The following DDX10 variants were observed in gnomAD, a reference collection of about 807,000 sequenced individuals.
The protein encoded by DDX10 is probable ATP-dependent RNA helicase DDX10.
In DDX10, 74 loss-of-function variants were observed where a neutral mutation model predicts 104.3. The ratio of observed to expected loss-of-function variants is 0.71; its 90% CI spans 0.59 to 0.86. DDX10 has a LOEUF of 0.86. Among genes scored for constraint, DDX10 ranks in the 40% least tolerant of loss-of-function variants. The pLI is 0.00. For missense variants in DDX10, 952 were observed against 1,040.0 expected (o/e 0.92, Z 1.16); for synonymous variants, 351 against 353.4 (o/e 0.99, Z 0.08).
intron 13 of DDX10, among the ~76,000 whole-genome samples, chr11:108,764,479 C>A (rs2094354166): frequency 6.6e-6 from 1 of 152,058 alleles, no homozygotes; most frequent in African/African-American, 2.4e-5. Context: ...ACCAGCCTGG[C>A]CAACATGGTG....
intron 13 of DDX10, among the ~76,000 whole-genome samples, chr11:108,757,673 G>A (rs1052484803): frequency 6.6e-6 from 1 of 152,042 alleles, no homozygotes. Context: ...AGAACCACTT[G>A]TTGGTTGTCC....
At chr11:108,937,412 G>GAT (rs1167685802) in intron 17 of DDX10, among the ~76,000 whole-genome samples, 3 of 151,862 alleles carry the variant, frequency 2.0e-5, no homozygotes, top group Non-Finnish European at 4.4e-5. Flanking sequence ...TGATGTTTGG[G>GAT]GTTTCAGAAA....
rs200617644 is a variant in DDX10 at position 108,733,152 on chromosome 11, T to A, written c.1965+9690T>A. On this transcript the variant is annotated intron_variant, in intron 13 of 17. Coordinates refer to ENST00000322536, the MANE Select transcript of DDX10 (RefSeq NM_004398.4). ...GTAGCTTTTTCTTTTTTTAGTACTG[T>A]AAGAACTCACTGTTGGTGTTAAAAC... Among the ~76,000 whole-genome samples, 148 of 151,952 alleles carry A rather than the reference T, an allele frequency of 9.7e-4. 2 individuals carry two copies. The East Asian group carries it at 0.024, about 24-fold the overall frequency.
At chr11:108,813,713 G>A (rs371780250) in intron 13 of DDX10, among the ~76,000 whole-genome samples, 3 of 152,068 alleles carry the variant, frequency 2.0e-5, no homozygotes, top group Non-Finnish European at 4.4e-5. Flanking sequence ...AATATTTTGC[G>A]TCTAAGCTTT....
intron 1 of DDX10, 151 bp from the exon 2 acceptor site, chr11:108,673,316 C>A (rs770124183): frequency 3.3e-6 from 2 of 615,100 alleles, no homozygotes; most frequent in East Asian, 3.0e-5. Context: ...GGGCATATTT[C>A]GTTACAGAAG....
intron 13 of DDX10, among the ~76,000 whole-genome samples, chr11:108,725,393 GTTGTT>G (rs2094304146): frequency 6.6e-6 from 1 of 152,068 alleles, no homozygotes. Context: ...AAACTCCCCA[GTTGTT>G]TTCCAAATCA....
intron 13 of DDX10, among the ~76,000 whole-genome samples, chr11:108,771,592 G>A (rs746890805): frequency 4.3e-4 from 65 of 152,152 alleles, no homozygotes; most frequent in Admixed American, 3.1e-3. Context: ...TGATCCGTCC[G>A]CCTCAGTCTC....
At chr11:108,788,049 G>C (rs1861819458) in intron 13 of DDX10, among the ~76,000 whole-genome samples, 2 of 152,212 alleles carry the variant, frequency 1.3e-5, no homozygotes, top group South Asian at 4.1e-4. Flanking sequence ...TTGTTTTACT[G>C]TATTCCTTGG....
chr11:108,700,828 G>GCGGTTTCTT (rs2094266800), intron 9 of DDX10, among the ~76,000 whole-genome samples: 1 of 150,908 alleles, frequency 6.6e-6, no homozygotes, highest in Non-Finnish European at 1.5e-5. Context: ...ACTTTGATTT[G>GCGGTTTCTT]CGGTTTCTTT....
At chr11:108,865,115 C>G (rs2134618128) in intron 16 of DDX10, among the ~76,000 whole-genome samples, 1 of 152,250 alleles carries the variant, frequency 6.6e-6, no homozygotes, top group African/African-American at 2.4e-5. Context: ...GTTGTGTGTT[C>G]AGCTCAGTGT....
intron 9 of DDX10, among the ~76,000 whole-genome samples, chr11:108,698,156 C>G (rs1384370557): frequency 6.6e-6 from 1 of 152,202 alleles, no homozygotes; most frequent in African/African-American, 2.4e-5. Context: ...TCTGTAATAA[C>G]TTCTGAAGAG....
intron 15 of DDX10, among the ~76,000 whole-genome samples, chr11:108,843,937 CGTT>C (rs964713613): frequency 2.0e-5 from 3 of 152,084 alleles, no homozygotes; most frequent in African/African-American, 4.8e-5. Context: ...AAAGGTGTAT[CGTT>C]GTGCACTTTT....
chr11:108,879,166 T>C (rs1372687353), intron 16 of DDX10, among the ~76,000 whole-genome samples: 3 of 152,094 alleles, frequency 2.0e-5, no homozygotes. Flanking sequence ...CACACCCGGC[T>C]AATTTTTTGT....
chr11:108,858,264 A>G lies in DDX10; in HGVS notation c.2304+6055A>G, dbSNP rs191875728. Among the ~76,000 whole-genome samples the G allele has an allele frequency of 3.3e-4, 50 of 152,042 alleles. No homozygotes were observed. In the East Asian group the frequency reaches 8.3e-3, roughly 25 times the overall value. ...TCATGACGTTCTTCCTTTCTGGACCACCGGACTTCGTGTACATTATTCTGC... is the reference window on the plus strand; with the variant it reads ...TCATGACGTTCTTCCTTTCTGGACCGCCGGACTTCGTGTACATTATTCTGC... On this transcript the variant is annotated intron_variant, in intron 16 of 17. Transcript: ENST00000322536.
chr11:108,901,160 A>AT (rs1315679545), intron 16 of DDX10, among the ~76,000 whole-genome samples: 1 of 152,218 alleles, frequency 6.6e-6, no homozygotes, highest in Non-Finnish European at 1.5e-5. Flanking sequence ...AGAATAATAC[A>AT]TGCCCCTGTG....
At chr11:108,848,062 C>G (rs1021083609) in intron 15 of DDX10, among the ~76,000 whole-genome samples, 2 of 152,118 alleles carry the variant, frequency 1.3e-5, no homozygotes, top group East Asian at 1.9e-4. Context: ...GGAGGATGAT[C>G]ACAAGAGTAA....
At chr11:108,816,566 T>TG (rs1486241040) in intron 13 of DDX10, among the ~76,000 whole-genome samples, 1 of 151,722 alleles carries the variant, frequency 6.6e-6, no homozygotes, top group Non-Finnish European at 1.5e-5. Context: ...TTTTTTTTTT[T>TG]TTTTGAGAGG....
chr11:108,889,395 C>T (rs1351925802), intron 16 of DDX10, among the ~76,000 whole-genome samples: 2 of 152,032 alleles, frequency 1.3e-5, no homozygotes, highest in Non-Finnish European at 2.9e-5. Context: ...TTCTTTTAAA[C>T]ATTATTCTTT....
intron 12 of DDX10, among the ~76,000 whole-genome samples, chr11:108,721,769 G>A (rs1163197853): frequency 6.6e-6 from 1 of 152,184 alleles, no homozygotes; most frequent in African/African-American, 2.4e-5. Context: ...AAAGAAACAT[G>A]TTTTGAATAC....
Sources: gnomAD v4.1 joint callset for allele counts (sites outside exome capture counted in the v4.1 genomes callset) on GRCh38, gnomAD v4.1.1 for gene constraint, MANE v1.5 for transcripts, NCBI Gene and HGNC (gene_info 2026-07-23, HGNC 2026-07-21) for gene names.